The following GSPT1 variants were observed in gnomAD, a reference collection of about 807,000 sequenced individuals.
GSPT1 encodes eukaryotic peptide chain release factor GTP-binding subunit ERF3A.
A neutral mutation model predicts 72.5 loss-of-function variants in GSPT1; 20 were observed. That is an observed-to-expected ratio of 0.28 (90% CI 0.19 to 0.40). The LOEUF (loss-of-function observed/expected upper bound fraction) is 0.40. Ranked by LOEUF, GSPT1 falls within the 10% of genes least tolerant of loss-of-function variation. GSPT1 has a pLI of 1.00. For missense variants in GSPT1, 580 were observed against 811.9 expected, an observed-to-expected ratio of 0.71 and a Z score of 3.47; for synonymous variants, 334 against 293.5, an observed-to-expected ratio of 1.14 and a Z score of -1.41.
At chr16:11,893,400 C>T (rs2054294625) in intron 5 of GSPT1, among the ~76,000 whole-genome samples, 2 of 151,782 alleles carry the variant, frequency 1.3e-5, no homozygotes, top group African/African-American at 4.8e-5. Context: ...GCTAGGATTA[C>T]AGATATGAGC....
chr16:11,915,219 G>A lies in GSPT1; in HGVS notation c.352+150C>T, dbSNP rs1462486410. On this transcript the variant is annotated intron_variant, in intron 1 of 14. Coordinates refer to ENST00000434724, the MANE Select transcript of GSPT1 (RefSeq NM_002094.4). ...GCCGCCCCGCGAAGGCCGGCTCCCG[G>A]GCTCGGGGCGCCCCACCCAGGCAGA... 7 of 1,126,772 alleles carry A rather than the reference G, an allele frequency of 6.2e-6. No individual in the cohort carries two copies. In the East Asian group the frequency reaches 3.0e-4, roughly 48 times the overall value. The allele number at this position is 1,126,772 out of a possible 1,614,324, so 69.8% of individuals were successfully genotyped here.
At chr16:11,886,019 T>C (rs2054182851) in intron 9 of GSPT1, among the ~76,000 whole-genome samples, 1 of 152,142 alleles carries the variant, frequency 6.6e-6, no homozygotes, top group Non-Finnish European at 1.5e-5. Context: ...AAATTGTGTG[T>C]AAACAATTAA....
intron 14 of GSPT1, among the ~76,000 whole-genome samples, chr16:11,873,569 C>T (rs944916524): frequency 6.6e-6 from 1 of 152,000 alleles, no homozygotes; most frequent in Admixed American, 6.6e-5. Flanking sequence ...CCTCAGCCTC[C>T]CAAAGTGCTG....
At chr16:11,875,176 G>A (rs543341727) in intron 14 of GSPT1, among the ~76,000 whole-genome samples, 5 of 151,716 alleles carry the variant, frequency 3.3e-5, no homozygotes, top group South Asian at 2.1e-4. Context: ...GTGACAGATC[G>A]AGACTCCATC....
intron 6 of GSPT1, among the ~76,000 whole-genome samples, chr16:11,888,904 A>G (rs1029612485): frequency 1.3e-4 from 20 of 152,248 alleles, no homozygotes; most frequent in African/African-American, 4.3e-4. Flanking sequence ...ACAAATGCCA[A>G]TATCACTGTG....
chr16:11,906,082 C>A (rs907869903), intron 1 of GSPT1, among the ~76,000 whole-genome samples: 10 of 151,880 alleles, frequency 6.6e-5, no homozygotes, highest in Admixed American at 6.6e-4. Flanking sequence ...CATTTTTTCA[C>A]TTTTCTTTTT....
rs746453853 is a variant in GSPT1, at chr16:11,915,510, C to G, written c.211G>C (p.Val71Leu). The change falls in exon 1 of 15, where the codon GTC (valine) becomes CTC (leucine). Residue 71 changes from valine to leucine, a missense_variant. By Grantham distance (32) the Val-to-Leu change is conservative. Transcript: ENST00000434724. ...LSAAFSRQLNVNAKPFVPNVH... is the reference protein window; with the variant it reads ...LSAAFSRQLNLNAKPFVPNVH... ...TTGGGCACGAAGGGCTTGGCGTTGA[C>G]GTTGAGTTGCCGGCTGAAGGCCGCG... The G allele has an allele frequency of 6.5e-7, 1 of 1,540,394 alleles. No individual in the cohort carries two copies. Among genetic ancestry groups the G allele is most frequent in the Non-Finnish European group, 8.7e-7 (1 of 1,145,600 alleles).
chr16:11,915,752 G>C lies in GSPT1; in HGVS notation c.-32C>G. On this transcript the variant is annotated 5_prime_UTR_variant, in exon 1 of 15. Coordinates refer to ENST00000434724, the MANE Select transcript of GSPT1 (RefSeq NM_002094.4). ...GGGGGCCGTGTGTGTGGTGGACAGA[G>C]AGCGGGAAATGGAGGCAGGGGCGCC... 1 of 1,550,308 alleles carries C rather than the reference G, an allele frequency of 6.5e-7. No homozygotes were observed. The highest frequency in any genetic ancestry group is 8.7e-7 in the Non-Finnish European group (1 of 1,154,868).
intron 7 of GSPT1, 77 bp from the exon 8 acceptor site, chr16:11,887,008 A>T: frequency 1.0e-6 from 1 of 979,352 alleles, no homozygotes; most frequent in Non-Finnish European, 1.5e-6. Context: ...CTTTCCTTTC[A>T]GTTATATCAC....
intron 12 of GSPT1, among the ~76,000 whole-genome samples, chr16:11,876,986 G>T (rs974228756): frequency 6.6e-6 from 1 of 152,168 alleles, no homozygotes; most frequent in African/African-American, 2.4e-5. Context: ...ATTCACACCA[G>T]TCACTTACTC....
At chr16:11,892,531 A>ATAAAAT in intron 5 of GSPT1, among the ~76,000 whole-genome samples, 2 of 139,938 alleles carry the variant, frequency 1.4e-5, no homozygotes, top group African/African-American at 5.7e-5. Context: ...AACAAAAAAA[A>ATAAAAT]CAAAAAATAA....
intron 5 of GSPT1, among the ~76,000 whole-genome samples, chr16:11,894,682 A>T (rs1026729272): frequency 3.9e-5 from 6 of 152,208 alleles, no homozygotes; most frequent in African/African-American, 1.4e-4. Context: ...ACAGAGTCTC[A>T]TTGTCTTGCC....
Position 11,877,667 on chromosome 16 carries a change from A to G in GSPT1, c.1429-87T>C, listed in dbSNP as rs2054065355. 5.2e-6 allele frequency: 4 copies of G among 766,376 alleles called. No individual in the cohort carries two copies. The highest frequency in any genetic ancestry group is 2.3e-5 in the South Asian group (1 of 43,950). 47.5% of individuals were successfully genotyped at this position (766,376 alleles called of 1,614,324 possible). ...TGATCTGAATGTCTGTCTGCTCAATAAAGAGTTGCAAGATTTGACTGTAAA... is the reference window on the plus strand; with the variant it reads ...TGATCTGAATGTCTGTCTGCTCAATGAAGAGTTGCAAGATTTGACTGTAAA... On this transcript the variant is annotated intron_variant, in intron 11 of 14. Coordinates refer to ENST00000434724, the MANE Select transcript of GSPT1 (RefSeq NM_002094.4). This position sits in a 1 kb window ranked among gnomAD's most constrained non-coding sequence, Gnocchi z 4.0.
intron 1 of GSPT1, among the ~76,000 whole-genome samples, chr16:11,907,937 T>C (rs978916469): frequency 5.9e-5 from 9 of 152,210 alleles, no homozygotes; most frequent in African/African-American, 1.7e-4. Flanking sequence ...AGCTACAACC[T>C]AACTACTTCA....
At chr16:11,890,838 C>T (rs2054249825) in intron 6 of GSPT1, 1 of 338,532 alleles carries the variant, frequency 3.0e-6, no homozygotes, top group Admixed American at 5.0e-5. Flanking sequence ...ATAGTATTTT[C>T]AACAAGTCTA....
intron 1 of GSPT1, chr16:11,908,759 C>CAAAAAA (rs764948242): frequency 2.3e-4 from 6 of 25,666 alleles, no homozygotes; most frequent in African/African-American, 4.6e-4. Flanking sequence ...GACTCCGTCT[C>CAAAAAA]AAAAAAAAAA....
chr16:11,883,138 G>T (rs766070416), intron 10 of GSPT1, 43 bp from the exon 11 acceptor site: 4 of 1,220,278 alleles, frequency 3.3e-6, no homozygotes, highest in African/African-American at 1.5e-5. Context: ...ACTTCTTGGT[G>T]CTGTATAACA....
At chr16:11,889,034 TG>T (rs2141289506) in intron 6 of GSPT1, among the ~76,000 whole-genome samples, 1 of 152,168 alleles carries the variant, frequency 6.6e-6, no homozygotes, top group South Asian at 2.1e-4. Context: ...TTTGGATGGA[TG>T]CTGTGGCTCA....
chr16:11,895,925 G>A (rs1464218769), intron 4 of GSPT1, among the ~76,000 whole-genome samples: 12 of 152,148 alleles, frequency 7.9e-5, no homozygotes, highest in East Asian at 3.9e-4. Context: ...GTGCCCAGCC[G>A]CTCCTTTACA....
Sources: gnomAD v4.1 joint callset for allele counts (sites outside exome capture counted in the v4.1 genomes callset) on GRCh38, gnomAD v4.1.1 for gene constraint, Gnocchi (gnomAD v3.1) non-coding constraint, MANE v1.5 for transcripts, NCBI Gene and HGNC (gene_info 2026-07-23, HGNC 2026-07-21) for gene names.